Variants in TAOK3 observed in about 807,000 individuals in gnomAD.
TAOK3 encodes TAO kinase 3, also known as serine/threonine-protein kinase TAO3.
In TAOK3, 40 loss-of-function variants were observed where a neutral mutation model predicts 120.4. The observed-to-expected ratio is 0.33, with a 90% confidence interval of 0.26 to 0.43. The LOEUF is 0.43. Among genes scored for constraint, TAOK3 ranks in the 20% least tolerant of loss-of-function variants. The pLI is 1.00. For missense variants in TAOK3, 821 were observed against 1,112.1 expected, an observed-to-expected ratio of 0.74 and a Z score of 3.72; for synonymous variants, 355 against 387.5, an observed-to-expected ratio of 0.92 and a Z score of 0.99.
chr12:118,240,833 A>G (rs934865641), intron 5 of TAOK3, among the ~76,000 whole-genome samples: 1 of 152,052 alleles, frequency 6.6e-6, no homozygotes, highest in African/African-American at 2.4e-5. Context: ...GACATAACCA[A>G]TATCAACATA....
At chr12:118,302,074 G>C (rs1221989716) in intron 1 of TAOK3, among the ~76,000 whole-genome samples, 1 of 152,090 alleles carries the variant, frequency 6.6e-6, no homozygotes, top group Non-Finnish European at 1.5e-5. Context: ...TTTTTGATCT[G>C]TTTTGGTTTT....
chr12:118,168,679 A>G lies in TAOK3; in HGVS notation c.1899+3778T>C, dbSNP rs542179064. ...ACTTTTAAGAAAAATACTCTTACAG[A>G]GTTATTTTTTGCTCAACTGGCTAGA... On this transcript the variant is annotated intron_variant, in intron 17 of 20. Transcript: ENST00000392533. Among the ~76,000 whole-genome samples the G allele has an allele frequency of 7.9e-5, 12 of 152,310 alleles. No homozygotes were observed. The East Asian group carries it at 2.3e-3, about 29-fold the overall frequency.
intron 9 of TAOK3, among the ~76,000 whole-genome samples, 162 bp downstream of exon 9, chr12:118,233,512 T>C (rs905904118): frequency 1.6e-4 from 25 of 151,938 alleles, no homozygotes; most frequent in Admixed American, 1.1e-3. Flanking sequence ...TATAAAAAAA[T>C]CTAATAAATT....
chr12:118,156,564 C>T (rs978213943), intron 19 of TAOK3, among the ~76,000 whole-genome samples: 12 of 152,226 alleles, frequency 7.9e-5, no homozygotes, highest in Admixed American at 5.9e-4. Flanking sequence ...GACTTTCCTT[C>T]TGAGGTCCAG....
chr12:118,193,693 C>T (rs2037555598), intron 13 of TAOK3, among the ~76,000 whole-genome samples: 1 of 152,160 alleles, frequency 6.6e-6, no homozygotes, highest in Admixed American at 6.5e-5. Flanking sequence ...AAGCGATCCA[C>T]CCACCCCGGC....
At chr12:118,321,604 C>G (rs1328443823) in intron 1 of TAOK3, among the ~76,000 whole-genome samples, 1 of 152,096 alleles carries the variant, frequency 6.6e-6, no homozygotes, top group Non-Finnish European at 1.5e-5. Context: ...GTCATTTTGC[C>G]TTCGACTCAT....
chr12:118,277,178 A>C (rs2041932049), intron 1 of TAOK3, among the ~76,000 whole-genome samples: 1 of 152,078 alleles, frequency 6.6e-6, no homozygotes, highest in Admixed American at 6.5e-5. Flanking sequence ...TGTGTTTCTT[A>C]TTATTCAGTA....
At chr12:118,182,624 T>TATATA (rs371618546) in intron 14 of TAOK3, among the ~76,000 whole-genome samples, 144 of 59,278 alleles carry the variant, frequency 2.4e-3, no homozygotes, top group African/African-American at 3.0e-3. Context: ...TATATATATA[T>TATATA]TTTTTTTTTT....
intron 1 of TAOK3, among the ~76,000 whole-genome samples, chr12:118,291,156 G>A (rs1271429814): frequency 4.6e-5 from 7 of 150,606 alleles, no homozygotes; most frequent in African/African-American, 1.5e-4. Context: ...GCGCCCGGCC[G>A]GGTTTTTACT....
chr12:118,162,918 T>C (rs2035317088), intron 17 of TAOK3, among the ~76,000 whole-genome samples: 1 of 152,192 alleles, frequency 6.6e-6, no homozygotes, highest in Non-Finnish European at 1.5e-5. Flanking sequence ...ATCAGAACAA[T>C]GTGCTCTCAG....
At chr12:118,158,757 C>T (rs894858257) in intron 19 of TAOK3, among the ~76,000 whole-genome samples, 2 of 152,170 alleles carry the variant, frequency 1.3e-5, no homozygotes, top group African/African-American at 2.4e-5. Flanking sequence ...TCTTAAAACA[C>T]GGTTCAACAG....
intron 1 of TAOK3, among the ~76,000 whole-genome samples, chr12:118,267,988 C>G (rs2041533569): frequency 6.6e-6 from 1 of 151,956 alleles, no homozygotes; most frequent in Non-Finnish European, 1.5e-5. Flanking sequence ...TTTATTTCTG[C>G]CTGCATTTTT....
chr12:118,371,827 C>T lies in TAOK3; in HGVS notation c.-194+821G>A, dbSNP rs1326493801. On this transcript the variant is annotated intron_variant, in intron 1 of 20. Coordinates refer to ENST00000392533, the MANE Select transcript of TAOK3 (RefSeq NM_016281.4). The surrounding 1 kb of genome is among the most constrained non-coding windows in gnomAD (Gnocchi z 5.5). ...CCTCGGGGTCCGCGCCTGCACCCGA[C>T]GCTCAAAGCCCCTCTCGGAGTCCCA... 6.6e-6 allele frequency among the ~76,000 whole-genome samples: 1 copy of T among 152,062 alleles called. No individual in the cohort carries two copies. Among genetic ancestry groups the T allele is most frequent in the African/African-American group, 2.4e-5 (1 of 41,444 alleles).
intron 1 of TAOK3, among the ~76,000 whole-genome samples, chr12:118,310,166 C>T (rs1566098549): frequency 6.6e-6 from 1 of 152,148 alleles, no homozygotes; most frequent in Non-Finnish European, 1.5e-5. Flanking sequence ...CACCTGTGGT[C>T]CCTGCTACTT....
At chr12:118,196,935 T>C (rs2139201474) in intron 13 of TAOK3, among the ~76,000 whole-genome samples, 1 of 152,344 alleles carries the variant, frequency 6.6e-6, no homozygotes, top group African/African-American at 2.4e-5. Flanking sequence ...ATTAGTTTCC[T>C]CATTCCTAAG....
chr12:118,216,694 T>C (rs906050749), intron 9 of TAOK3, among the ~76,000 whole-genome samples: 1 of 151,944 alleles, frequency 6.6e-6, no homozygotes, highest in Non-Finnish European at 1.5e-5. Flanking sequence ...TTTGGGAGGC[T>C]GAGGTGGGTG....
chr12:118,290,479 G>C (rs1251764105), intron 1 of TAOK3, among the ~76,000 whole-genome samples: 1 of 152,136 alleles, frequency 6.6e-6, no homozygotes, highest in Non-Finnish European at 1.5e-5. Flanking sequence ...GAAGTGTACT[G>C]TTAACATTTA....
intron 1 of TAOK3, among the ~76,000 whole-genome samples, chr12:118,351,104 G>A (rs1003220462): frequency 5.9e-5 from 9 of 152,098 alleles, no homozygotes; most frequent in Non-Finnish European, 1.2e-4. Context: ...ACTTGAACCC[G>A]GGAAGTGGAG....
chr12:118,293,492 C>T (rs778546143), intron 1 of TAOK3, among the ~76,000 whole-genome samples: 3 of 151,602 alleles, frequency 2.0e-5, no homozygotes, highest in Non-Finnish European at 4.4e-5. Context: ...GCCTGACCAA[C>T]ATTAGAAACC....
Sources: allele counts gnomAD v4.1 joint callset (sites outside exome capture counted in the v4.1 genomes callset), GRCh38; gene constraint gnomAD v4.1.1; non-coding constraint Gnocchi (gnomAD v3.1); transcripts MANE v1.5; gene names NCBI Gene and HGNC (gene_info 2026-07-23, HGNC 2026-07-21).